Variants in SMG1 observed in about 807,000 individuals in gnomAD.
SMG1 encodes serine/threonine-protein kinase SMG1.
SMG1 carries 22 observed loss-of-function variants against 419.9 expected under a neutral mutation model. That is an observed-to-expected ratio of 0.05 (90% CI 0.04 to 0.07). The LOEUF (loss-of-function observed/expected upper bound fraction) is 0.07, where lower values mean the gene tolerates loss of function less well. Ranked by LOEUF, SMG1 falls within the 10% of genes least tolerant of loss-of-function variation. SMG1 has a pLI of 1.00. For synonymous variants in SMG1, 1,538 were observed against 1,553.5 expected (o/e 0.99, Z 0.23); for missense variants, 3,185 against 4,342.0 (o/e 0.73, Z 7.49).
chr16:18,881,887 ATAT>A (rs1438374379), intron 10 of SMG1, among the ~76,000 whole-genome samples: 3 of 152,278 alleles, frequency 2.0e-5, no homozygotes, highest in African/African-American at 7.2e-5. Flanking sequence ...ATTATAATAA[ATAT>A]TATTTAAAAA....
chr16:18,815,185 G>A lies in SMG1; in HGVS notation c.10611C>T (p.Ser3537=). The A allele has an allele frequency of 1.3e-6, 2 of 1,586,422 alleles. No homozygotes were observed. The highest frequency in any genetic ancestry group is 2.3e-5 in the East Asian group (1 of 43,882). The change falls in exon 60 of 63, where the codon TCC becomes TCT. Residue 3537 remains serine (S), a synonymous_variant. Coordinates refer to ENST00000446231, the MANE Select transcript of SMG1 (RefSeq NM_015092.5). ...SPTSSATYQP[S]FAAAVRSNTG... ...GGACTCTTCTCCTACCTGCAGCGAAGGATGGCTGATAAGTAGCAGATGACG... is the reference window on the plus strand; with the variant it reads ...GGACTCTTCTCCTACCTGCAGCGAAAGATGGCTGATAAGTAGCAGATGACG...
At chr16:18,858,628 A>T (rs1023554737) in intron 28 of SMG1, 24 of 213,834 alleles carry the variant, frequency 1.1e-4, no homozygotes, top group Admixed American at 4.9e-4. Flanking sequence ...AATGCTTTAT[A>T]ATGAAGTTCT....
At position 18,838,079 on chromosome 16, in the gene SMG1, T is replaced by C. The variant is rs1371114628; in HGVS notation, c.7348A>G (p.Ser2450Gly). The C allele has an allele frequency of 6.2e-7, 1 of 1,614,020 alleles. No individual in the cohort carries two copies. Among genetic ancestry groups the C allele is most frequent in the Admixed American group, 1.7e-5 (1 of 60,024 alleles). Residue 2450 changes from serine to glycine, a missense_variant, in exon 45 of 63, where the codon AGC becomes GGC. This residue lies in a region of SMG1 where 412 missense variants were observed against 546.6 expected (regional missense o/e 0.75). Coordinates refer to ENST00000446231, the MANE Select transcript of SMG1 (RefSeq NM_015092.5). ...GGGQQAESKQ[S>G]KREMEREITR... is the part of the protein sequence containing the mutation. Reference sequence around the variant, plus strand: ...ATCTCTCGCTCCATCTCTCTCTTGCTCTGCTTGCTCTCGGCCTGCTGGCCA... The same window carrying C: ...ATCTCTCGCTCCATCTCTCTCTTGCCCTGCTTGCTCTCGGCCTGCTGGCCA...
rs759307858 is a variant in SMG1, at chr16:18,847,788, C to T, written c.5841+28G>A. 3 of 1,604,046 alleles carry T rather than the reference C, an allele frequency of 1.9e-6. No homozygotes were observed. In the East Asian group the frequency reaches 6.7e-5, roughly 36 times the overall value. On this transcript the variant is annotated intron_variant, in intron 37 of 62. Coordinates refer to ENST00000446231, the MANE Select transcript of SMG1 (RefSeq NM_015092.5). ...AATTTTTATTATTCTATAAAAAATT[C>T]TTCTACAACATGTGAGTTTCTTTGT...
At chr16:18,814,881 T>C (rs2031851984) in intron 60 of SMG1, among the ~76,000 whole-genome samples, 1 of 56,466 alleles carries the variant, frequency 1.8e-5, no homozygotes, top group African/African-American at 5.5e-5. Context: ...CCCGGCCTTT[T>C]TTTTTTTTTT....
At chr16:18,877,286 G>T in intron 11 of SMG1, 54 bp from the exon 12 acceptor site, 5 of 1,332,006 alleles carry the variant, frequency 3.8e-6, no homozygotes, top group Non-Finnish European at 5.1e-6. Context: ...AAAAGACATG[G>T]AGAAACCTTA....
chr16:18,817,493 A>C, intron 56 of SMG1, 23 bp from the exon 57 acceptor site: 1 of 1,532,880 alleles, frequency 6.5e-7, no homozygotes, highest in Non-Finnish European at 8.8e-7. Context: ...AAATGGAACC[A>C]CAAGAGGAGA....
In SMG1 at chr16:18,838,242, GGA is replaced by G. The variant is rs1244775642; in HGVS notation, c.7195-12_7195-11del. On this transcript the variant is annotated splice_polypyrimidine_tract_variant and intron_variant, in intron 44 of 62. Transcript: ENST00000446231. ...GCATAATGTGTAAAACCTGTTTTCA[GGA>G]GAGTTTTTAAAATAAGGTCTGCCAC... 1 of 1,609,174 alleles carries G rather than the reference GGA, an allele frequency of 6.2e-7. No homozygotes were observed. The highest frequency in any genetic ancestry group is 8.5e-7 in the Non-Finnish European group (1 of 1,177,100).
At chr16:18,896,367 C>A (rs1277337921) in intron 2 of SMG1, among the ~76,000 whole-genome samples, 160 bp from the exon 3 acceptor site, 4 of 152,278 alleles carry the variant, frequency 2.6e-5, no homozygotes, top group East Asian at 3.9e-4. Context: ...ATTTTGATTT[C>A]TTTTAATACA....
At chr16:18,811,901 C>T (rs371718017) in intron 61 of SMG1, 34 bp from the exon 62 acceptor site, 141 of 1,612,618 alleles carry the variant, frequency 8.7e-5, no homozygotes, top group Non-Finnish European at 1.1e-4. Flanking sequence ...TAAGTCAAAC[C>T]GTCATTTTAT....
chr16:18,921,932 G>A (rs1244448891), intron 1 of SMG1, among the ~76,000 whole-genome samples: 4 of 152,140 alleles, frequency 2.6e-5, no homozygotes, highest in African/African-American at 9.7e-5. Context: ...TAGAAGTATA[G>A]AAAGATCCTA....
At chr16:18,828,943 A>G (rs1479451710) in intron 54 of SMG1, among the ~76,000 whole-genome samples, 5 of 152,006 alleles carry the variant, frequency 3.3e-5, no homozygotes, top group Non-Finnish European at 7.4e-5. Context: ...GGTTGCGGTG[A>G]GCCGAGATCG....
At chr16:18,812,198 C>T (rs2031476813) in intron 60 of SMG1, 71 bp from the exon 61 acceptor site, 15 of 1,466,252 alleles carry the variant, frequency 1.0e-5, no homozygotes, top group Middle Eastern at 2.4e-4. Context: ...GGAGCAAGCA[C>T]GGGATAGGTG....
intron 1 of SMG1, among the ~76,000 whole-genome samples, chr16:18,910,668 T>G (rs542529195): frequency 2.0e-5 from 3 of 152,208 alleles, no homozygotes; most frequent in African/African-American, 7.2e-5. Flanking sequence ...ATCTTGTAAT[T>G]GCTTAATACT....
At chr16:18,924,537 T>C (rs943247623) in intron 1 of SMG1, among the ~76,000 whole-genome samples, 3 of 152,190 alleles carry the variant, frequency 2.0e-5, no homozygotes, top group South Asian at 2.1e-4. Context: ...TTCACACATT[T>C]CAATAAAAAG....
chr16:18,890,002 A>G (rs539248132), intron 5 of SMG1, among the ~76,000 whole-genome samples: 5 of 152,344 alleles, frequency 3.3e-5, no homozygotes, highest in South Asian at 4.1e-4. Flanking sequence ...ACTTAAAAGG[A>G]TAACAGTAAT....
At chr16:18,896,489 T>C (rs1002278161) in intron 2 of SMG1, among the ~76,000 whole-genome samples, 6 of 152,338 alleles carry the variant, frequency 3.9e-5, no homozygotes, top group East Asian at 1.9e-4. Context: ...TCTTGAAGTT[T>C]AGAGATAGTA....
intron 4 of SMG1, among the ~76,000 whole-genome samples, chr16:18,891,811 G>A (rs1167059551): frequency 2.0e-5 from 3 of 152,176 alleles, no homozygotes; most frequent in Non-Finnish European, 2.9e-5. Context: ...CATTTCTGTT[G>A]TTGTTTTAAG....
At chr16:18,874,734 T>C (rs1451382344) in intron 13 of SMG1, among the ~76,000 whole-genome samples, 2 of 150,250 alleles carry the variant, frequency 1.3e-5, no homozygotes, top group African/African-American at 2.4e-5. Context: ...GTCGTAGTGG[T>C]AGGTGTCTGT....
Sources: gnomAD v4.1 joint callset for allele counts (sites outside exome capture counted in the v4.1 genomes callset) on GRCh38, gnomAD v4.1.1 for gene constraint, gnomAD v4.1.1 regional missense constraint, MANE v1.5 for transcripts, NCBI Gene and HGNC (gene_info 2026-07-23, HGNC 2026-07-21) for gene names.